THSD7B: variants seen among roughly 807,000 people sequenced by gnomAD.
The protein encoded by THSD7B is thrombospondin type 1 domain containing 7B.
Under a neutral mutation model 213.6 loss-of-function variants are expected in THSD7B, and 138 were observed. That is an observed-to-expected ratio of 0.65 (90% CI 0.56 to 0.74). THSD7B has a LOEUF of 0.74. Among genes scored for constraint, THSD7B ranks in the 30% least tolerant of loss-of-function variants. The probability of loss-of-function intolerance (pLI) is 0.00; values close to 1 mark genes in which losing one functional copy is unlikely to be tolerated. For synonymous variants in THSD7B, 742 were observed against 687.0 expected (o/e 1.08, Z -1.25); for missense variants, 1,931 against 1,991.5 (o/e 0.97, Z 0.58).
At chr2:137,066,454 A>C (rs1687383947) in intron 3 of THSD7B, among the ~76,000 whole-genome samples, 1 of 152,054 alleles carries the variant, frequency 6.6e-6, no homozygotes, top group Non-Finnish European at 1.5e-5. Flanking sequence ...TCGGCCTCCC[A>C]AAGTGCTGAG....
At chr2:137,063,350 G>T (rs909152434) in intron 3 of THSD7B, among the ~76,000 whole-genome samples, 1 of 151,426 alleles carries the variant, frequency 6.6e-6, no homozygotes, top group Non-Finnish European at 1.5e-5. Context: ...CTTGTTCTTT[G>T]CTCCTTTTTA....
intron 25 of THSD7B, 43 bp downstream of exon 25, chr2:137,659,789 G>A (rs767747246): frequency 8.4e-6 from 13 of 1,542,356 alleles, no homozygotes; most frequent in Non-Finnish European, 1.1e-5. Flanking sequence ...ATTAATTGCT[G>A]TGTTTTACAC....
intron 15 of THSD7B, among the ~76,000 whole-genome samples, chr2:137,492,191 C>T (rs1323933425): frequency 6.6e-6 from 1 of 152,168 alleles, no homozygotes; most frequent in African/African-American, 2.4e-5. Context: ...ACTTTCTGAA[C>T]AAGTTCCAAA....
chr2:136,973,946 T>C (rs1685441962), intron 2 of THSD7B, among the ~76,000 whole-genome samples: 1 of 152,190 alleles, frequency 6.6e-6, no homozygotes, highest in African/African-American at 2.4e-5. Context: ...TCTTGAAAGA[T>C]TTTATTCTTA....
intron 9 of THSD7B, among the ~76,000 whole-genome samples, chr2:137,236,950 A>C (rs1445053380): frequency 6.6e-6 from 1 of 152,036 alleles, no homozygotes; most frequent in Non-Finnish European, 1.5e-5. Flanking sequence ...ATCTCTACTA[A>C]AAATACAAAA....
chr2:137,555,974 G>C (rs1157849852), intron 15 of THSD7B, among the ~76,000 whole-genome samples: 1 of 152,132 alleles, frequency 6.6e-6, no homozygotes, highest in Non-Finnish European at 1.5e-5. Flanking sequence ...GAAATGTAGC[G>C]AGAAGAGAAG....
chr2:137,220,155 C>T (rs1417715679), intron 7 of THSD7B, among the ~76,000 whole-genome samples: 3 of 151,968 alleles, frequency 2.0e-5, no homozygotes, highest in Non-Finnish European at 2.9e-5. Context: ...AAACTGAATA[C>T]AGCACCACAA....
At chr2:136,909,065 C>T (rs1402755414) in intron 2 of THSD7B, among the ~76,000 whole-genome samples, 2 of 152,036 alleles carry the variant, frequency 1.3e-5, no homozygotes, top group East Asian at 3.9e-4. Flanking sequence ...TCCCTGTAGT[C>T]CCAGCTACTA....
chr2:137,183,269 T>A (rs930031146), intron 7 of THSD7B, among the ~76,000 whole-genome samples: 1 of 152,256 alleles, frequency 6.6e-6, no homozygotes, highest in African/African-American at 2.4e-5. Flanking sequence ...ACTGCCCCAA[T>A]GTAAACATCT....
At chr2:137,593,210 T>C (rs1681898299) in intron 17 of THSD7B, among the ~76,000 whole-genome samples, 1 of 151,972 alleles carries the variant, frequency 6.6e-6, no homozygotes, top group African/African-American at 2.4e-5. Context: ...AGAGCCTTTA[T>C]GAATAAAGCT....
intron 9 of THSD7B, among the ~76,000 whole-genome samples, chr2:137,236,672 A>C (rs534009585): frequency 6.6e-6 from 1 of 152,330 alleles, no homozygotes; most frequent in East Asian, 1.9e-4. Context: ...AACATTTAAC[A>C]TTTAAAAGCT....
chr2:137,664,161 T>A (rs570061252), intron 26 of THSD7B, among the ~76,000 whole-genome samples: 5 of 152,290 alleles, frequency 3.3e-5, no homozygotes, highest in African/African-American at 1.2e-4. Context: ...CCTGAAAATA[T>A]CTTTCAATCC....
intron 12 of THSD7B, among the ~76,000 whole-genome samples, chr2:137,284,971 C>T (rs191079102): frequency 4.8e-4 from 73 of 152,118 alleles, no homozygotes; most frequent in African/African-American, 1.4e-3. Flanking sequence ...CTTTCTGTCT[C>T]GTTGATCTGT....
chr2:137,556,131 C>G (rs1026697666), intron 15 of THSD7B, among the ~76,000 whole-genome samples: 6 of 152,108 alleles, frequency 3.9e-5, no homozygotes, highest in Admixed American at 3.9e-4. Context: ...GGATATTATC[C>G]AGGAGAACTT....
At chr2:137,601,767 C>A (rs10199893) in intron 17 of THSD7B, among the ~76,000 whole-genome samples, 29,302 of 152,098 alleles carry the variant, frequency 0.19, 3,445 homozygotes, top group African/African-American at 0.32. Flanking sequence ...TTCTTCGTCC[C>A]TCTTTATTAG....
At chr2:137,146,718 G>A (rs1173027119) in intron 5 of THSD7B, among the ~76,000 whole-genome samples, 2 of 152,036 alleles carry the variant, frequency 1.3e-5, no homozygotes, top group African/African-American at 2.4e-5. Flanking sequence ...TACACATATA[G>A]CACATATGCA....
At chr2:137,111,390 A>AATGG (rs1368644303) in intron 4 of THSD7B, among the ~76,000 whole-genome samples, 1 of 152,112 alleles carries the variant, frequency 6.6e-6, no homozygotes, top group Non-Finnish European at 1.5e-5. Context: ...TGATTGAGTA[A>AATGG]ATGGGTTTGC....
chr2:137,075,868 C>T (rs1327890142), intron 3 of THSD7B, among the ~76,000 whole-genome samples: 1 of 152,210 alleles, frequency 6.6e-6, no homozygotes, highest in African/African-American at 2.4e-5. Flanking sequence ...CACTGTTTGC[C>T]TGGGTATCAG....
At chr2:136,825,718 A>ATTATTTTTTTTTTTTTTT (rs1682634935) in intron 1 of THSD7B, among the ~76,000 whole-genome samples, 1 of 116,896 alleles carries the variant, frequency 8.6e-6, no homozygotes, top group Non-Finnish European at 1.7e-5. Context: ...TGCCTGGCTA[A>ATTATTTTTTTTTTTTTTT]TTTTTTTTTT....
Sources: gnomAD v4.1 joint callset for allele counts (sites outside exome capture counted in the v4.1 genomes callset) on GRCh38, gnomAD v4.1.1 for gene constraint, MANE v1.5 for transcripts, NCBI Gene and HGNC (gene_info 2026-07-23, HGNC 2026-07-21) for gene names.